FHIT: variants seen among roughly 807,000 people sequenced by gnomAD.
The protein encoded by FHIT is bis(5'-adenosyl)-triphosphatase.
Under a neutral mutation model 17.9 loss-of-function variants are expected in FHIT, and 19 were observed. That is an observed-to-expected ratio of 1.06 (90% CI 0.74 to 1.56). The LOEUF (loss-of-function observed/expected upper bound fraction) is 1.56. Ranked by LOEUF, FHIT falls within the 40% of genes most tolerant of loss-of-function variation. The pLI is 0.00. For synonymous variants in FHIT, 81 were observed against 69.7 expected, an observed-to-expected ratio of 1.16 and a Z score of -0.81; for missense variants, 248 against 189.2, an observed-to-expected ratio of 1.31 and a Z score of -1.82.
chr3:60,154,358 G>T (rs1700591868), intron 5 of FHIT, among the ~76,000 whole-genome samples: 2 of 152,140 alleles, frequency 1.3e-5, no homozygotes, highest in Admixed American at 6.6e-5. Flanking sequence ...GGCCATGGTA[G>T]GGATGGCATC....
At chr3:60,257,369 C>T (rs1278717156) in intron 5 of FHIT, among the ~76,000 whole-genome samples, 3 of 152,186 alleles carry the variant, frequency 2.0e-5, no homozygotes, top group African/African-American at 7.2e-5. Context: ...ATCATCTACT[C>T]TGTCAGTCAT....
At chr3:60,857,329 A>G (rs2106940832) in intron 3 of FHIT, among the ~76,000 whole-genome samples, 1 of 152,258 alleles carries the variant, frequency 6.6e-6, no homozygotes, top group South Asian at 2.1e-4. Flanking sequence ...TGTCCTCCCT[A>G]TCATGTTCCA....
At chr3:60,214,216 A>G (rs1014691356) in intron 5 of FHIT, among the ~76,000 whole-genome samples, 1 of 152,174 alleles carries the variant, frequency 6.6e-6, no homozygotes, top group African/African-American at 2.4e-5. Context: ...AAACTTACAA[A>G]CAAGCAACAA....
intron 5 of FHIT, among the ~76,000 whole-genome samples, chr3:60,392,074 A>G (rs937883301): frequency 6.6e-6 from 1 of 152,188 alleles, no homozygotes; most frequent in Non-Finnish European, 1.5e-5. Flanking sequence ...TCATCAAAAT[A>G]TATGTTCCAA....
At chr3:60,858,282 AAC>A (rs1553750491) in intron 3 of FHIT, among the ~76,000 whole-genome samples, 1 of 152,196 alleles carries the variant, frequency 6.6e-6, no homozygotes, top group African/African-American at 2.4e-5. Flanking sequence ...TAAAAAGAAA[AAC>A]ACACTTTTAA....
intron 3 of FHIT, among the ~76,000 whole-genome samples, chr3:60,863,779 T>C (rs1704035328): frequency 6.6e-6 from 1 of 152,074 alleles, no homozygotes; most frequent in Non-Finnish European, 1.5e-5. Flanking sequence ...GCAAAGAACA[T>C]AATAAAGATA....
chr3:60,081,656 C>T (rs570706493), intron 5 of FHIT, among the ~76,000 whole-genome samples: 1 of 152,090 alleles, frequency 6.6e-6, no homozygotes, highest in Non-Finnish European at 1.5e-5. Flanking sequence ...AATGTAGGCT[C>T]TTATTTAATT....
intron 7 of FHIT, among the ~76,000 whole-genome samples, chr3:60,003,958 G>A (rs552838025): frequency 4.7e-4 from 72 of 151,658 alleles, no homozygotes; most frequent in Non-Finnish European, 6.0e-4. Context: ...ATTACATGGA[G>A]TTAGAGATTT....
chr3:60,230,428 T>A lies in FHIT; in HGVS notation c.104-216276A>T, dbSNP rs141640516. Among the ~76,000 whole-genome samples, 70 of 152,358 alleles carry A rather than the reference T, an allele frequency of 4.6e-4. No homozygotes were observed. In the East Asian group the frequency reaches 0.013, roughly 28 times the overall value. ...ACATTATAATTTCTTATCTACACTT[T>A]AAAAATAACATTATCTGATCATATT... On this transcript the variant is annotated intron_variant, in intron 5 of 9. Transcript: ENST00000492590.
chr3:60,705,846 C>G (rs1487302579), intron 4 of FHIT, among the ~76,000 whole-genome samples: 1 of 152,148 alleles, frequency 6.6e-6, no homozygotes, highest in Non-Finnish European at 1.5e-5. Context: ...TCCTAGCTGA[C>G]CCTCTTAATA....
At chr3:60,330,530 G>A (rs1484162338) in intron 5 of FHIT, among the ~76,000 whole-genome samples, 1 of 152,144 alleles carries the variant, frequency 6.6e-6, no homozygotes, top group Admixed American at 6.6e-5. Context: ...TTTCAGCATG[G>A]CCACGAAACT....
intron 5 of FHIT, among the ~76,000 whole-genome samples, chr3:60,099,904 T>C (rs373367999): frequency 6.6e-6 from 1 of 152,322 alleles, no homozygotes; most frequent in South Asian, 2.1e-4. Flanking sequence ...GATATTAAAG[T>C]ATTTTTCGTG....
chr3:60,539,043 C>G (rs894317666), intron 4 of FHIT, among the ~76,000 whole-genome samples: 1 of 151,952 alleles, frequency 6.6e-6, no homozygotes, highest in Non-Finnish European at 1.5e-5. Context: ...ATCTACTCAT[C>G]TGACAAAGGG....
chr3:59,971,531 A>G (rs575670135), intron 7 of FHIT, among the ~76,000 whole-genome samples: 1 of 152,296 alleles, frequency 6.6e-6, no homozygotes, highest in Admixed American at 6.5e-5. Flanking sequence ...AATCAATTGA[A>G]GAATTTAAGG....
chr3:60,662,565 T>C (rs2040283606), intron 4 of FHIT, among the ~76,000 whole-genome samples: 2 of 152,150 alleles, frequency 1.3e-5, no homozygotes. Context: ...TGTTTTTTTC[T>C]AGTTCTATGA....
chr3:61,212,438 GAGA>G (rs1370842479), intron 1 of FHIT, among the ~76,000 whole-genome samples: 1 of 152,174 alleles, frequency 6.6e-6, no homozygotes. Flanking sequence ...GAAGCAAGAA[GAGA>G]AGTTTAGAGA....
chr3:60,107,002 G>C (rs894586784), intron 5 of FHIT, among the ~76,000 whole-genome samples: 12 of 152,076 alleles, frequency 7.9e-5, no homozygotes, highest in African/African-American at 2.7e-4. Flanking sequence ...GAAAAGATCA[G>C]TGATAGTTCA....
intron 5 of FHIT, among the ~76,000 whole-genome samples, chr3:60,286,395 C>A (rs148722823): frequency 6.6e-6 from 1 of 152,220 alleles, no homozygotes; most frequent in South Asian, 2.1e-4. Context: ...GTTATTCTTA[C>A]GTATCTTTTA....
At chr3:60,408,869 T>A (rs2107217764) in intron 5 of FHIT, among the ~76,000 whole-genome samples, 1 of 152,166 alleles carries the variant, frequency 6.6e-6, no homozygotes, top group East Asian at 1.9e-4. Context: ...AAAGCCATAA[T>A]TCCAGTGGCT....
Sources: allele counts gnomAD v4.1 joint callset (sites outside exome capture counted in the v4.1 genomes callset), GRCh38; gene constraint gnomAD v4.1.1; transcripts MANE v1.5; gene names NCBI Gene and HGNC (gene_info 2026-07-23, HGNC 2026-07-21).